ADAM22: variants seen among roughly 807,000 people sequenced by gnomAD.
ADAM22 encodes the protein ADAM metallopeptidase domain 22.
A neutral mutation model predicts 144.6 loss-of-function variants in ADAM22; 65 were observed. The observed-to-expected ratio is 0.45, with a 90% CI of 0.37 to 0.55. The LOEUF is 0.55. ADAM22 is among the 20% of genes least tolerant of loss of function. The pLI is 0.00. For missense variants in ADAM22, 974 were observed against 1,184.9 expected, an observed-to-expected ratio of 0.82 and a Z score of 2.61; for synonymous variants, 391 against 412.6, an observed-to-expected ratio of 0.95 and a Z score of 0.63.
At chr7:88,171,350 C>T (rs2129533980) in intron 25 of ADAM22, among the ~76,000 whole-genome samples, 194 bp from the exon 26 acceptor site, 1 of 151,948 alleles carries the variant, frequency 6.6e-6, no homozygotes, top group African/African-American at 2.4e-5. Context: ...GTCACTGACT[C>T]TTTGTTGCTT....
chr7:88,022,184 C>G (rs1002188362), intron 3 of ADAM22, among the ~76,000 whole-genome samples: 2 of 152,010 alleles, frequency 1.3e-5, no homozygotes, highest in Non-Finnish European at 2.9e-5. Flanking sequence ...GCATGAACCA[C>G]CACTCTTGGC....
At chr7:88,004,106 C>T (rs1012341475) in intron 3 of ADAM22, among the ~76,000 whole-genome samples, 11 of 152,246 alleles carry the variant, frequency 7.2e-5, no homozygotes, top group African/African-American at 2.7e-4. Flanking sequence ...GGGAAGCTGA[C>T]TTCCTTTCTT....
chr7:88,081,222 A>G (rs1310517805), intron 4 of ADAM22, among the ~76,000 whole-genome samples: 2 of 152,210 alleles, frequency 1.3e-5, no homozygotes, highest in Non-Finnish European at 2.9e-5. Flanking sequence ...GCATATAGAC[A>G]GAACCAAAGA....
At chr7:88,028,004 C>T (rs1449560671) in intron 3 of ADAM22, among the ~76,000 whole-genome samples, 1 of 152,062 alleles carries the variant, frequency 6.6e-6, no homozygotes, top group Non-Finnish European at 1.5e-5. Context: ...TGGCTGGCCT[C>T]GAACTCCTGA....
chr7:87,981,577 C>T (rs1336204340), intron 3 of ADAM22, among the ~76,000 whole-genome samples: 1 of 152,024 alleles, frequency 6.6e-6, no homozygotes, highest in Non-Finnish European at 1.5e-5. Flanking sequence ...GAAGCAGAAG[C>T]AGGGTTAGAC....
At chr7:88,152,875 T>C (rs552414228) in intron 20 of ADAM22, among the ~76,000 whole-genome samples, 1 of 152,144 alleles carries the variant, frequency 6.6e-6, no homozygotes, top group African/African-American at 2.4e-5. Flanking sequence ...GAGACGGGGT[T>C]TCACCATGTT....
rs1847154750 is a variant in ADAM22, at chr7:88,181,988, G to C, written c.2627G>C (p.Arg876Thr). Residue 876 changes from arginine (R) to threonine (T), a missense_variant, in exon 29 of 32, where the codon AGA becomes ACA. Arg to Thr is a moderately conservative substitution (Grantham distance 71, BLOSUM62 -1). Around this residue, in one of 2 missense-constraint regions of ADAM22, gnomAD observed 734 missense variants for 950.6 expected, o/e 0.77. Coordinates refer to ENST00000413139, the MANE Select transcript of ADAM22 (RefSeq NM_001324418.2). ...CTGGGAGGCAACAAAAAGAAAATCA[G>C]AGGCAAAAGATTTAGACCTCGGTCT... ...GNLGGNKKKI[R>T]GKRFRPRSNS... is the part of the protein sequence containing the mutation. 3.7e-6 allele frequency: 6 copies of C among 1,613,718 alleles called. 1 individual carries two copies. The South Asian group carries it at 6.6e-5, about 18-fold the overall frequency.
chr7:88,190,415 G>C, intron 30 of ADAM22, among the ~76,000 whole-genome samples: 1 of 151,388 alleles, frequency 6.6e-6, no homozygotes, highest in Non-Finnish European at 1.5e-5. Flanking sequence ...CATTCCTATA[G>C]TCCCAGCTAC....
intron 23 of ADAM22, among the ~76,000 whole-genome samples, chr7:88,165,336 G>A (rs1247609041): frequency 1.3e-5 from 2 of 152,060 alleles, no homozygotes; most frequent in East Asian, 3.9e-4. Flanking sequence ...AAGTGCTAAG[G>A]TTGTATAGCC....
intron 4 of ADAM22, among the ~76,000 whole-genome samples, chr7:88,099,817 A>C (rs1303291153): frequency 6.6e-6 from 1 of 152,152 alleles, no homozygotes; most frequent in Non-Finnish European, 1.5e-5. Context: ...ATACTAACAA[A>C]ATGAATTTTG....
At chr7:88,068,912 C>A (rs534851711) in intron 3 of ADAM22, among the ~76,000 whole-genome samples, 21 of 152,248 alleles carry the variant, frequency 1.4e-4, no homozygotes, top group African/African-American at 3.9e-4. Flanking sequence ...TTACGCAGAG[C>A]TGTAGTTTGA....
chr7:87,967,043 G>A (rs1283813614), intron 2 of ADAM22, among the ~76,000 whole-genome samples: 1 of 152,090 alleles, frequency 6.6e-6, no homozygotes. Flanking sequence ...TTTATAAGGG[G>A]CTTTTCCCTC....
At chr7:87,935,497 C>A (rs908423001) in intron 2 of ADAM22, among the ~76,000 whole-genome samples, 2 of 151,976 alleles carry the variant, frequency 1.3e-5, no homozygotes, top group African/African-American at 2.4e-5. Flanking sequence ...GCATGCACAG[C>A]GAGAAGGGAG....
intron 20 of ADAM22, among the ~76,000 whole-genome samples, chr7:88,152,256 T>C (rs1352528722): frequency 6.6e-6 from 1 of 152,198 alleles, no homozygotes; most frequent in Admixed American, 6.5e-5. Flanking sequence ...ACATAACTAT[T>C]GTTTTTTTTA....
intron 4 of ADAM22, among the ~76,000 whole-genome samples, chr7:88,076,476 C>T (rs986194887): frequency 6.6e-6 from 1 of 152,162 alleles, no homozygotes; most frequent in African/African-American, 2.4e-5. Context: ...TTTGCCTTTG[C>T]ATTCAGCTGT....
At chr7:88,091,830 CG>C (rs1819944440) in intron 4 of ADAM22, among the ~76,000 whole-genome samples, 1 of 152,032 alleles carries the variant, frequency 6.6e-6, no homozygotes, top group Non-Finnish European at 1.5e-5. Flanking sequence ...TGTAATTCAC[CG>C]TCTCTTTTAG....
At chr7:88,156,921 A>G (rs1840127249) in intron 22 of ADAM22, among the ~76,000 whole-genome samples, 1 of 152,144 alleles carries the variant, frequency 6.6e-6, no homozygotes, top group Non-Finnish European at 1.5e-5. Flanking sequence ...TGAAAAAAAA[A>G]AGACAAAAAC....
At chr7:88,057,087 G>T (rs1181095457) in intron 3 of ADAM22, among the ~76,000 whole-genome samples, 3 of 151,980 alleles carry the variant, frequency 2.0e-5, no homozygotes, top group Non-Finnish European at 4.4e-5. Flanking sequence ...GGGTAGGGCA[G>T]GTAGGATTTG....
rs1181035636 is a variant in ADAM22, at chr7:88,170,391, T to C, written c.2283-1153T>C. ...TAGAACCTGAGAACTCATTTTCTCATTAGTTTGTCCAGTTAAACTTTCTAC... is the reference window on the plus strand; with the variant it reads ...TAGAACCTGAGAACTCATTTTCTCACTAGTTTGTCCAGTTAAACTTTCTAC... On this transcript the variant is annotated intron_variant, in intron 25 of 31. Transcript: ENST00000413139. Among the ~76,000 whole-genome samples, 4 of 151,876 alleles carry C rather than the reference T, an allele frequency of 2.6e-5. No homozygotes were observed. The East Asian group carries it at 7.7e-4, about 29-fold the overall frequency.
Sources: allele counts gnomAD v4.1 joint callset (sites outside exome capture counted in the v4.1 genomes callset), GRCh38; gene constraint gnomAD v4.1.1; regional missense constraint gnomAD v4.1.1; transcripts MANE v1.5; gene names NCBI Gene and HGNC (gene_info 2026-07-23, HGNC 2026-07-21).